CIAO1: variants seen among roughly 807,000 people sequenced by gnomAD.
CIAO1 encodes cytosolic iron-sulfur assembly component 1, also known as probable cytosolic iron-sulfur protein assembly protein CIAO1.
A neutral mutation model predicts 43.1 loss-of-function variants in CIAO1; 32 were observed. That is an observed-to-expected ratio of 0.74 (90% CI 0.56 to 1.00). CIAO1 has a LOEUF of 1.00. CIAO1 is among the 50% of genes least tolerant of loss of function. The pLI is 0.00. For missense variants in CIAO1, 415 were observed against 437.4 expected (o/e 0.95, Z 0.46); for synonymous variants, 183 against 171.4 (o/e 1.07, Z -0.53).
rs1420040231 is a variant in CIAO1, at chr2:96,274,079, G to A, written c.*2728G>A. Among the ~76,000 whole-genome samples, 1 of 151,036 alleles carries A rather than the reference G, an allele frequency of 6.6e-6. No individual in the cohort carries two copies. The highest frequency in any genetic ancestry group is 1.5e-5 in the Non-Finnish European group (1 of 67,918). ...AAAATGTTAACATTATGATTTAAAAGTGCATTAACCTTAATCTAGATAATA... is the reference window on the plus strand; with the variant it reads ...AAAATGTTAACATTATGATTTAAAAATGCATTAACCTTAATCTAGATAATA... On this transcript the variant is annotated 3_prime_UTR_variant, in exon 7 of 7. Transcript: ENST00000488633.
chr2:96,274,154 TA>T lies in CIAO1; in HGVS notation c.*2808del, dbSNP rs1259500107. 2.1e-5 allele frequency among the ~76,000 whole-genome samples: 3 copies of T among 141,502 alleles called. No individual in the cohort carries two copies. The Admixed American group carries it at 2.2e-4, about 10-fold the overall frequency. The allele number at this position is 141,502 out of a possible 152,430, so 92.8% of individuals were successfully genotyped here. A position where few individuals can be genotyped will look rare whatever the true frequency, so the allele number is the denominator to read the frequency against. Reference sequence around the variant, plus strand: ...AACTGTGAAAAATAAATTTGTTATTTAAAAAGAAAAAAAAAAAAACAAAAAC... The same window carrying T: ...AACTGTGAAAAATAAATTTGTTATTTAAAAGAAAAAAAAAAAAACAAAAAC... On this transcript the variant is annotated 3_prime_UTR_variant, in exon 7 of 7. Transcript: ENST00000488633.
chr2:96,271,131 T>A lies in CIAO1; in HGVS notation c.800T>A (p.Leu267Gln). The A allele has an allele frequency of 6.2e-7, 1 of 1,614,220 alleles. No individual in the cohort carries two copies. Among genetic ancestry groups the A allele is most frequent in the Non-Finnish European group, 8.5e-7 (1 of 1,180,046 alleles). ...DIAWCQLTGA[L>Q]ATACGDDAIR... Reference sequence around the variant, plus strand: ...TCCAGGTGTCAGCTGACAGGGGCTCTGGCCACAGCTTGTGGGGATGACGCG... The same window carrying A: ...TCCAGGTGTCAGCTGACAGGGGCTCAGGCCACAGCTTGTGGGGATGACGCG... Residue 267 changes from leucine (L) to glutamine (Q), a missense_variant, in exon 7 of 7, where the codon CTG (leucine) becomes CAG (glutamine). Coordinates refer to ENST00000488633, the MANE Select transcript of CIAO1 (RefSeq NM_004804.3).
Position 96,266,249 on chromosome 2 carries a change from C to A in CIAO1, c.-102C>A. The A allele has an allele frequency of 1.6e-6, 2 of 1,231,192 alleles. No homozygotes were observed. Among genetic ancestry groups the A allele is most frequent in the Non-Finnish European group, 2.1e-6 (2 of 973,392 alleles). The allele number at this position is 1,231,192 out of a possible 1,614,324, so 76.3% of individuals were successfully genotyped here. A position where few individuals can be genotyped will look rare whatever the true frequency, so the allele number is the denominator to read the frequency against. Reference sequence around the variant, plus strand: ...CGGCGGAAGCGGGAGCCTCTGTCGGCCGCGGAAGCCTGGAGTGGGCGGTAC... The same window carrying A: ...CGGCGGAAGCGGGAGCCTCTGTCGGACGCGGAAGCCTGGAGTGGGCGGTAC... On this transcript the variant is annotated 5_prime_UTR_variant, in exon 1 of 7. Transcript: ENST00000488633.
At position 96,266,362 on chromosome 2, in the gene CIAO1, G is replaced by T. The variant is rs1464988154; in HGVS notation, c.12G>T (p.Ser4=). ...TGCGTCGGGCCGACATGAAGGACTC[G>T]CTGGTGCTGCTGGGCCGTGTCCCGG... MKD[S]LVLLGRVPAH... is the part of the protein sequence containing the mutation. Residue 4 remains serine, a synonymous_variant, in exon 1 of 7, where the codon TCG becomes TCT. Transcript: ENST00000488633. 1 of 1,470,886 alleles carries T rather than the reference G, an allele frequency of 6.8e-7. No individual in the cohort carries two copies. Among genetic ancestry groups the T allele is most frequent in the South Asian group, 1.3e-5 (1 of 77,264 alleles). The allele number at this position is 1,470,886 out of a possible 1,614,324, so 91.1% of individuals were successfully genotyped here. A position where few individuals can be genotyped will look rare whatever the true frequency, so the allele number is the denominator to read the frequency against.
rs553103384 is a variant in CIAO1, at chr2:96,268,208, C to T, written c.490-249C>T. 9.9e-5 allele frequency among the ~76,000 whole-genome samples: 15 copies of T among 152,178 alleles called. 1 individual carries two copies. In the South Asian group the frequency reaches 2.3e-3, roughly 23 times the overall value. On this transcript the variant is annotated intron_variant, in intron 4 of 6. Coordinates refer to ENST00000488633, the MANE Select transcript of CIAO1 (RefSeq NM_004804.3). ...GTCTCTACTAAAAATACAAAATTAG[C>T]GGGCATGGTGGCACATGCCTGTAAT...
intron 1 of CIAO1, among the ~76,000 whole-genome samples, chr2:96,266,766 C>A (rs1053888291): frequency 3.9e-5 from 6 of 152,184 alleles, no homozygotes; most frequent in African/African-American, 1.4e-4. Flanking sequence ...GAGTAACTTG[C>A]GACTGGATGG....
chr2:96,268,843 G>A, intron 5 of CIAO1, 185 bp downstream of exon 5: 1 of 603,172 alleles, frequency 1.7e-6, no homozygotes. Flanking sequence ...GAATTTAAAA[G>A]GGTATGTAGG....
In CIAO1 at chr2:96,267,850, G is replaced by A. The variant is rs752922921; in HGVS notation, c.415G>A (p.Glu139Lys). Residue 139 changes from glutamate (E) to lysine (K), a missense_variant, in exon 4 of 7, where the codon GAG (glutamate) becomes AAG (lysine). By Grantham distance (56) the Glu-to-Lys change is moderately conservative. Coordinates refer to ENST00000488633, the MANE Select transcript of CIAO1 (RefSeq NM_004804.3). ...CTCTCCCACAGTTGATGAAGAGGAT[G>A]AGTATGAATGTGTCAGTGTTCTCAA... ...VWVWEVDEED[E>K]YECVSVLNSH... 6.8e-6 allele frequency: 11 copies of A among 1,614,136 alleles called. No homozygotes were observed. The highest frequency in any genetic ancestry group is 1.3e-5 in the African/African-American group (1 of 75,046).
intron 6 of CIAO1, among the ~76,000 whole-genome samples, chr2:96,270,490 G>C (rs1351858878): frequency 7.0e-6 from 1 of 142,564 alleles, no homozygotes; most frequent in African/African-American, 2.6e-5. Context: ...GATGGAGCAA[G>C]ACTCCATCTA....
chr2:96,269,953 G>T (rs1684514519), intron 6 of CIAO1, among the ~76,000 whole-genome samples: 2 of 151,960 alleles, frequency 1.3e-5, no homozygotes, highest in African/African-American at 2.4e-5. Flanking sequence ...CAGTGGCTGG[G>T]GTTTTTATAG....
At position 96,272,142 on chromosome 2, in the gene CIAO1, C is replaced by G. The variant is rs1266504436; in HGVS notation, c.*791C>G. ...TTCCATTTTCATGGCAGGGAGTGAT[C>G]AGGAAGAAGGCTTCCTAGGGGACTG... On this transcript the variant is annotated 3_prime_UTR_variant, in exon 7 of 7. Transcript: ENST00000488633. 6.6e-6 allele frequency: 1 copy of G among 152,168 alleles called. No homozygotes were observed. The highest frequency in any genetic ancestry group is 1.5e-5 in the Non-Finnish European group (1 of 68,032). The allele number at this position is 152,168 out of a possible 1,614,324, so 9.4% of individuals were successfully genotyped here. A position where few individuals can be genotyped will look rare whatever the true frequency, so the allele number is the denominator to read the frequency against.
Position 96,274,038 on chromosome 2 carries a change from GTC to G in CIAO1, c.*2691_*2692del, listed in dbSNP as rs1684607501. ...AGCCTGGGCAACATGGCTAAACTCT[GTC>G]TCTATTAAGAAAAAAAATGTTAACA... On this transcript the variant is annotated 3_prime_UTR_variant, in exon 7 of 7. Coordinates refer to ENST00000488633, the MANE Select transcript of CIAO1 (RefSeq NM_004804.3). Among the ~76,000 whole-genome samples the G allele has an allele frequency of 6.6e-6, 1 of 151,446 alleles. No homozygotes were observed. Among genetic ancestry groups the G allele is most frequent in the South Asian group, 2.1e-4 (1 of 4,828 alleles).
chr2:96,267,262 T>C (rs752065168), intron 1 of CIAO1, 59 bp from the exon 2 acceptor site: 114 of 1,541,242 alleles, frequency 7.4e-5, no homozygotes, highest in East Asian at 3.9e-4. Context: ...GCCCCTGATA[T>C]TGAATGGCTT....
Position 96,266,313 on chromosome 2 carries a change from A to T in CIAO1, c.-38A>T. The T allele has an allele frequency of 2.2e-6, 3 of 1,361,446 alleles. No homozygotes were observed. Among genetic ancestry groups the T allele is most frequent in the Non-Finnish European group, 2.9e-6 (3 of 1,042,820 alleles). The allele number at this position is 1,361,446 out of a possible 1,614,324, so 84.3% of individuals were successfully genotyped here. A position where few individuals can be genotyped will look rare whatever the true frequency, so the allele number is the denominator to read the frequency against. On this transcript the variant is annotated 5_prime_UTR_variant, in exon 1 of 7. Coordinates refer to ENST00000488633, the MANE Select transcript of CIAO1 (RefSeq NM_004804.3). ...GTGAGACCCGCTGTCTGCTCAGCGG[A>T]CTCTGCCCGCCCCCACCTCCCCCTG...
Position 96,273,944 on chromosome 2 carries a change from C to A in CIAO1, c.*2593C>A, listed in dbSNP as rs932595827. 6.6e-6 allele frequency among the ~76,000 whole-genome samples: 1 copy of A among 151,606 alleles called. No individual in the cohort carries two copies. The highest frequency in any genetic ancestry group is 6.6e-5 in the Admixed American group (1 of 15,210). On this transcript the variant is annotated 3_prime_UTR_variant, in exon 7 of 7. Coordinates refer to ENST00000488633, the MANE Select transcript of CIAO1 (RefSeq NM_004804.3). The stretch of plus-strand genomic sequence containing the variant: ...TTAACGTGGGCTGGGCATGGTGGCT[C>A]ATGCCTGTAATCCCAGCACTCTGGG...
At position 96,267,739 on chromosome 2, in the gene CIAO1, G is replaced by A. The variant is rs981844034; in HGVS notation, c.400+3G>A. 1.9e-6 allele frequency: 3 copies of A among 1,614,068 alleles called. No individual in the cohort carries two copies. Among genetic ancestry groups the A allele is most frequent in the Non-Finnish European group, 2.5e-6 (3 of 1,179,922 alleles). On this transcript the variant is annotated splice_donor_region_variant and intron_variant, in intron 3 of 6. Transcript: ENST00000488633. The stretch of plus-strand genomic sequence containing the variant: ...TAAGAGCGTTTGGGTCTGGGAAGGT[G>A]AGGCCAGGTCCCTCCAGGTGGATTG...
At position 96,271,596 on chromosome 2, in the gene CIAO1, GCA is replaced by G. The variant is rs1177113536; in HGVS notation, c.*248_*249del. On this transcript the variant is annotated 3_prime_UTR_variant, in exon 7 of 7. Coordinates refer to ENST00000488633, the MANE Select transcript of CIAO1 (RefSeq NM_004804.3). ...TACCACAGATTTTTCTTGCATTAGGGCACAGTGTTAAATTTTTTGGAGGTAAA... is the reference window on the plus strand; with the variant it reads ...TACCACAGATTTTTCTTGCATTAGGGCAGTGTTAAATTTTTTGGAGGTAAA... The G allele has an allele frequency of 4.3e-5, 21 of 486,676 alleles. No individual in the cohort carries two copies. Among genetic ancestry groups the G allele is most frequent in the Non-Finnish European group, 5.2e-5 (14 of 271,646 alleles). The allele number at this position is 486,676 out of a possible 1,614,324, so 30.1% of individuals were successfully genotyped here.
intron 6 of CIAO1, among the ~76,000 whole-genome samples, chr2:96,269,650 TG>T (rs372495270): frequency 6.6e-6 from 1 of 152,080 alleles, no homozygotes; most frequent in Non-Finnish European, 1.5e-5. Flanking sequence ...GGTTTTTTTT[TG>T]TTTTTTTGTT....
chr2:96,269,167 A>G, intron 5 of CIAO1, 101 bp from the exon 6 acceptor site: 2 of 956,948 alleles, frequency 2.1e-6, no homozygotes, highest in Non-Finnish European at 3.4e-6. Context: ...ACACAGACTC[A>G]TAATCAGTTG....
Sources: allele counts gnomAD v4.1 joint callset (sites outside exome capture counted in the v4.1 genomes callset), GRCh38; gene constraint gnomAD v4.1.1; transcripts MANE v1.5; gene names NCBI Gene and HGNC (gene_info 2026-07-23, HGNC 2026-07-21).